Variants in MEF2C observed in about 807,000 individuals in gnomAD.
The protein encoded by MEF2C is myocyte enhancer factor 2C.
Under a neutral mutation model 50.5 loss-of-function variants are expected in MEF2C, and 6 were observed. That is an observed-to-expected ratio of 0.12 (90% CI 0.07 to 0.23). The LOEUF (loss-of-function observed/expected upper bound fraction) is 0.23, where lower values mean the gene tolerates loss of function less well. Ranked by LOEUF, MEF2C falls within the 10% of genes least tolerant of loss-of-function variation. MEF2C has a pLI of 1.00. For synonymous variants in MEF2C, 183 were observed against 228.0 expected (o/e 0.80, Z 1.78); for missense variants, 276 against 605.0 (o/e 0.46, Z 5.70).
At chr5:88,772,609 G>A (rs896806091) in intron 3 of MEF2C, 2 of 439,978 alleles carry the variant, frequency 4.5e-6, no homozygotes, top group African/African-American at 4.3e-5. Flanking sequence ...AGCAGGCAGA[G>A]AGATTTTTCA....
chr5:88,774,478 A>G (rs1783886089), intron 3 of MEF2C, among the ~76,000 whole-genome samples: 1 of 151,750 alleles, frequency 6.6e-6, no homozygotes, highest in Middle Eastern at 3.2e-3. Context: ...GCCCGCCACC[A>G]CGCCAGGTTA....
intron 3 of MEF2C, among the ~76,000 whole-genome samples, chr5:88,803,565 T>G (rs1799218353): frequency 6.6e-6 from 1 of 152,206 alleles, no homozygotes; most frequent in Non-Finnish European, 1.5e-5. Context: ...CTTTTCATTC[T>G]GAGAAAGCAG....
intron 6 of MEF2C, among the ~76,000 whole-genome samples, chr5:88,747,333 CTTTTTTTTTT>C (rs950842424): frequency 3.7e-4 from 8 of 21,750 alleles, no homozygotes; most frequent in Admixed American, 6.7e-4. Flanking sequence ...TTTTTTACTA[CTTTTTTTTTT>C]TTTTTTTTTT....
In MEF2C at chr5:88,731,717, G is replaced by A; in HGVS notation, c.810+12C>T. The A allele has an allele frequency of 6.2e-7, 1 of 1,609,616 alleles. No individual in the cohort carries two copies. The highest frequency in any genetic ancestry group is 2.2e-5 in the East Asian group (1 of 44,828). On this transcript the variant is annotated intron_variant, in intron 7 of 10. Coordinates refer to ENST00000504921, the MANE Select transcript of MEF2C (RefSeq NM_002397.5). ...ATTATCAATATTTATTTAAAATGTA[G>A]TTTTGTATTACCACTGATGGCATCG...
At chr5:88,838,330 G>T (rs1241896155) in intron 1 of MEF2C, among the ~76,000 whole-genome samples, 9 of 150,402 alleles carry the variant, frequency 6.0e-5, no homozygotes, top group Non-Finnish European at 8.9e-5. Context: ...TTAGATATTT[G>T]TCTTTACTAT....
intron 4 of MEF2C, among the ~76,000 whole-genome samples, chr5:88,753,790 A>AT (rs1259446723): frequency 1.3e-5 from 2 of 152,208 alleles, no homozygotes; most frequent in Non-Finnish European, 2.9e-5. Context: ...AGGGGAAATA[A>AT]TTTTTGGATA....
upstream of MEF2C, chr5:88,884,228 G>GA (rs1246945532): frequency 6.6e-6 from 1 of 152,188 alleles, no homozygotes; most frequent in Non-Finnish European, 1.5e-5. Flanking sequence ...TGACCAATAG[G>GA]AGCGCGACCC....
At chr5:88,859,224 A>T (rs1430758619) in intron 1 of MEF2C, among the ~76,000 whole-genome samples, 1 of 152,212 alleles carries the variant, frequency 6.6e-6, no homozygotes, top group East Asian at 1.9e-4. Flanking sequence ...TGGATTTTCC[A>T]ACATAACTTT....
intron 1 of MEF2C, among the ~76,000 whole-genome samples, chr5:88,864,696 T>C (rs1463202103): frequency 1.3e-5 from 2 of 151,728 alleles, no homozygotes; most frequent in East Asian, 3.9e-4. Context: ...GCTCAAGAGA[T>C]CCTCCAGCCT....
intron 5 of MEF2C, 176 bp from the exon 6 acceptor site, chr5:88,749,293 A>G (rs1481069096): frequency 5.2e-6 from 5 of 961,628 alleles, no homozygotes; most frequent in Non-Finnish European, 6.2e-6. Flanking sequence ...CTCAAACGTT[A>G]AAAATACATT....
chr5:88,735,191 GCCT>G (rs1763594904), intron 6 of MEF2C: 9 of 985,242 alleles, frequency 9.1e-6, no homozygotes, highest in African/African-American at 1.7e-5. Flanking sequence ...GGAAACCGCA[GCCT>G]CCTCCTCACT....
rs574578260 is a variant in MEF2C, at chr5:88,785,845, A to T, written c.258+18753T>A. ...AAATGTTTACAACCTATGAGGAAAAAAAAAAAAGTATCCTGGGGCTAAAAT... is the reference window on the plus strand; with the variant it reads ...AAATGTTTACAACCTATGAGGAAAATAAAAAAAGTATCCTGGGGCTAAAAT... On this transcript the variant is annotated intron_variant, in intron 3 of 10. Coordinates refer to ENST00000504921, the MANE Select transcript of MEF2C (RefSeq NM_002397.5). 3.3e-5 allele frequency among the ~76,000 whole-genome samples: 5 copies of T among 152,318 alleles called. No individual in the cohort carries two copies. The East Asian group carries it at 7.7e-4, about 23-fold the overall frequency.
At chr5:88,811,529 A>T (rs1170193379) in intron 2 of MEF2C, among the ~76,000 whole-genome samples, 1 of 152,164 alleles carries the variant, frequency 6.6e-6, no homozygotes, top group African/African-American at 2.4e-5. Flanking sequence ...TCTATGCCTA[A>T]GTATCATAGG....
rs914487654 is a variant in MEF2C at position 88,719,597 on chromosome 5, A to T, written c.*3007T>A. The T allele has an allele frequency of 6.6e-6, 1 of 152,250 alleles. No individual in the cohort carries two copies. The highest frequency in any genetic ancestry group is 1.5e-5 in the Non-Finnish European group (1 of 68,026). The allele number at this position is 152,250 out of a possible 1,614,324, so 9.4% of individuals were successfully genotyped here. On this transcript the variant is annotated 3_prime_UTR_variant, in exon 11 of 11. Coordinates refer to ENST00000504921, the MANE Select transcript of MEF2C (RefSeq NM_002397.5). Reference sequence around the variant, plus strand: ...TAATACTCCCTCAGGGCTCTGCCCTAAAGTCTGGAATACAAAGGATTTACT... The same window carrying T: ...TAATACTCCCTCAGGGCTCTGCCCTTAAGTCTGGAATACAAAGGATTTACT...
At chr5:88,874,209 C>A (rs1281834778) in intron 1 of MEF2C, among the ~76,000 whole-genome samples, 5 of 151,894 alleles carry the variant, frequency 3.3e-5, no homozygotes, top group Non-Finnish European at 5.9e-5. Context: ...TTTTATCATA[C>A]TTAAATGGCA....
At chr5:88,724,000 C>T (rs1021019414) in intron 10 of MEF2C, among the ~76,000 whole-genome samples, 2 of 152,076 alleles carry the variant, frequency 1.3e-5, no homozygotes, top group African/African-American at 4.8e-5. Context: ...TGGCATTGCT[C>T]GCATCAATTT....
At chr5:88,734,680 C>A (rs575697736) in intron 6 of MEF2C, 1 of 971,954 alleles carries the variant, frequency 1.0e-6, no homozygotes, top group African/African-American at 1.9e-5. Flanking sequence ...TGATTCAGGG[C>A]AGCAGTAGGG....
intron 10 of MEF2C, among the ~76,000 whole-genome samples, chr5:88,723,410 G>A (rs1431082766): frequency 6.6e-6 from 1 of 152,172 alleles, no homozygotes; most frequent in African/African-American, 2.4e-5. Context: ...CAATTAATAA[G>A]CACATACAGA....
chr5:88,884,511 A>T (rs1426652967), upstream of MEF2C: 1 of 152,196 alleles, frequency 6.6e-6, no homozygotes, highest in African/African-American at 2.4e-5. Context: ...TCTCGACTTC[A>T]TCGCGGGGCC....
Sources: allele counts gnomAD v4.1 joint callset (sites outside exome capture counted in the v4.1 genomes callset), GRCh38; gene constraint gnomAD v4.1.1; transcripts MANE v1.5; gene names NCBI Gene and HGNC (gene_info 2026-07-23, HGNC 2026-07-21).